CELF4: variants seen among roughly 807,000 people sequenced by gnomAD.
CELF4 encodes CUGBP Elav-like family member 4, also known as CUG-BP- and ETR-3-like factor 4.
Under a neutral mutation model 59.9 loss-of-function variants are expected in CELF4, and 18 were observed. The ratio of observed to expected loss-of-function variants is 0.30; its 90% CI spans 0.21 to 0.45. The LOEUF is 0.45. Among genes scored for constraint, CELF4 ranks in the 20% least tolerant of loss-of-function variants. The probability of loss-of-function intolerance (pLI) is 1.00; values close to 1 mark genes in which losing one functional copy is unlikely to be tolerated. For missense variants in CELF4, 456 were observed against 689.0 expected (o/e 0.66, Z 3.79); for synonymous variants, 261 against 267.1 (o/e 0.98, Z 0.22).
Position 37,565,459 on chromosome 18 carries a change from G to A in CELF4, c.183C>T (p.Ile61=). 6.2e-7 allele frequency: 1 copy of A among 1,614,110 alleles called. No individual in the cohort carries two copies. Residue 61 remains isoleucine (I), a synonymous_variant, in exon 1 of 13, where the codon ATC becomes ATT. Transcript: ENST00000420428. ...GGTCCTTCTCATCCAGGTTGCGGGG[G>A]ATCTGCCCAATGAACAGCTTGATGG... The part of the protein sequence containing the change: ...HDAIKLFIGQ[I]PRNLDEKDLK...
chr18:37,487,533 T>C (rs192245249), intron 1 of CELF4, among the ~76,000 whole-genome samples: 13 of 152,278 alleles, frequency 8.5e-5, no homozygotes, highest in South Asian at 8.3e-4. Context: ...CAGACTGTTA[T>C]TGATGGAGAC....
intron 2 of CELF4, among the ~76,000 whole-genome samples, chr18:37,407,197 C>T (rs1175777061): frequency 6.6e-6 from 1 of 152,128 alleles, no homozygotes; most frequent in Non-Finnish European, 1.5e-5. Context: ...GTTAAAGGCA[C>T]CAGTGTACAT....
At chr18:37,278,855 GGACAACATC>G (rs2093742843) in intron 3 of CELF4, among the ~76,000 whole-genome samples, 1 of 152,172 alleles carries the variant, frequency 6.6e-6, no homozygotes, top group Non-Finnish European at 1.5e-5. Flanking sequence ...CAGCTGAGAT[GGACAACATC>G]TCCCTGTCTC....
chr18:37,487,906 C>T (rs1290680682), intron 1 of CELF4, among the ~76,000 whole-genome samples: 1 of 152,172 alleles, frequency 6.6e-6, no homozygotes, highest in African/African-American at 2.4e-5. Flanking sequence ...GAGCTCACAA[C>T]TTTATTGTGA....
chr18:37,296,493 G>A (rs989127977), intron 3 of CELF4, among the ~76,000 whole-genome samples: 4 of 152,204 alleles, frequency 2.6e-5, no homozygotes, highest in Non-Finnish European at 5.9e-5. Context: ...ACTGCGCCTG[G>A]CCGGTTTGTT....
chr18:37,469,360 C>T (rs1248635762), intron 2 of CELF4, among the ~76,000 whole-genome samples: 2 of 152,134 alleles, frequency 1.3e-5, no homozygotes, highest in Non-Finnish European at 2.9e-5. Flanking sequence ...GCCGGGGAAG[C>T]AGCAGACAGT....
chr18:37,440,656 G>A (rs2154601151), intron 2 of CELF4, among the ~76,000 whole-genome samples: 1 of 152,302 alleles, frequency 6.6e-6, no homozygotes, highest in East Asian at 1.9e-4. Flanking sequence ...ACAACTAACT[G>A]TATCCTGTGG....
At chr18:37,556,018 A>G (rs1415663359) in intron 1 of CELF4, among the ~76,000 whole-genome samples, 1 of 152,172 alleles carries the variant, frequency 6.6e-6, no homozygotes, top group African/African-American at 2.4e-5. Flanking sequence ...GAGCTGATCA[A>G]ATAGTCAGTT....
intron 2 of CELF4, among the ~76,000 whole-genome samples, chr18:37,465,799 A>C (rs1427949935): frequency 6.6e-6 from 1 of 152,212 alleles, no homozygotes; most frequent in African/African-American, 2.4e-5. Flanking sequence ...TGGAGGAGGA[A>C]GACATGAACA....
chr18:37,441,839 C>T (rs1050414106), intron 2 of CELF4, among the ~76,000 whole-genome samples: 2 of 152,156 alleles, frequency 1.3e-5, no homozygotes, highest in African/African-American at 4.8e-5. Flanking sequence ...CTCCTGACGA[C>T]TGCAACTCAC....
intron 2 of CELF4, among the ~76,000 whole-genome samples, chr18:37,440,236 A>G (rs1029600791): frequency 6.6e-6 from 1 of 151,956 alleles, no homozygotes. Flanking sequence ...GGCCTCGGTG[A>G]GGGGGAACGT....
intron 2 of CELF4, among the ~76,000 whole-genome samples, chr18:37,333,740 CCAT>C (rs1569565699): frequency 6.7e-6 from 1 of 148,464 alleles, no homozygotes; most frequent in Non-Finnish European, 1.5e-5. Flanking sequence ...ATCCATCCAT[CCAT>C]CCATCCATCC....
intron 2 of CELF4, among the ~76,000 whole-genome samples, chr18:37,375,324 G>T (rs1190684778): frequency 1.3e-5 from 2 of 152,216 alleles, no homozygotes; most frequent in Admixed American, 1.3e-4. Flanking sequence ...AACACCAAAG[G>T]AAGTAAGCGA....
chr18:37,303,482 G>A (rs947629019), intron 3 of CELF4, among the ~76,000 whole-genome samples: 1 of 152,152 alleles, frequency 6.6e-6, no homozygotes, highest in Non-Finnish European at 1.5e-5. Context: ...TGTTATAATG[G>A]TGGGGCTCTT....
At chr18:37,359,062 T>C (rs1287733080) in intron 2 of CELF4, among the ~76,000 whole-genome samples, 1 of 152,102 alleles carries the variant, frequency 6.6e-6, no homozygotes, top group Non-Finnish European at 1.5e-5. Flanking sequence ...CGCCCCACTG[T>C]ACTCCAGCCT....
chr18:37,329,037 T>G (rs1489532072), intron 2 of CELF4, among the ~76,000 whole-genome samples: 1 of 152,228 alleles, frequency 6.6e-6, no homozygotes, highest in Non-Finnish European at 1.5e-5. Flanking sequence ...AACTATAAAT[T>G]TTAAATTATT....
chr18:37,303,338 T>G (rs1278474866), intron 3 of CELF4, among the ~76,000 whole-genome samples: 1 of 152,092 alleles, frequency 6.6e-6, no homozygotes, highest in Admixed American at 6.5e-5. Flanking sequence ...GAGGTCTCCT[T>G]CCTCCACTCC....
At position 37,444,292 on chromosome 18, in the gene CELF4, C is replaced by T. The variant is rs888516174; in HGVS notation, c.369+41233G>A. Among the ~76,000 whole-genome samples the T allele has an allele frequency of 4.6e-5, 7 of 151,990 alleles. No homozygotes were observed. The East Asian group carries it at 5.8e-4, about 13-fold the overall frequency. Reference sequence around the variant, plus strand: ...AGGGGTGGATCCCCCCTAGCATCCCCGTCCTGGACTGCAGCTCAGGAGTCC... The same window carrying T: ...AGGGGTGGATCCCCCCTAGCATCCCTGTCCTGGACTGCAGCTCAGGAGTCC... On this transcript the variant is annotated intron_variant, in intron 2 of 12. Transcript: ENST00000420428.
intron 1 of CELF4, among the ~76,000 whole-genome samples, chr18:37,530,619 G>A (rs906034382): frequency 6.6e-6 from 1 of 152,114 alleles, no homozygotes; most frequent in Non-Finnish European, 1.5e-5. Context: ...GCTCCCCTCA[G>A]TCCGATGGGG....
Sources: gnomAD v4.1 joint callset for allele counts (sites outside exome capture counted in the v4.1 genomes callset) on GRCh38, gnomAD v4.1.1 for gene constraint, MANE v1.5 for transcripts, NCBI Gene and HGNC (gene_info 2026-07-23, HGNC 2026-07-21) for gene names.